The following SEPTIN2 variants were observed in gnomAD, a reference collection of about 807,000 sequenced individuals.
The protein encoded by SEPTIN2 is septin-2.
A neutral mutation model predicts 46.5 loss-of-function variants in SEPTIN2; 34 were observed. The observed-to-expected ratio is 0.73, with a 90% CI of 0.56 to 0.97. The LOEUF is 0.97. Among genes scored for constraint, SEPTIN2 ranks in the 50% least tolerant of loss-of-function variants. SEPTIN2 has a pLI of 0.00. For synonymous variants in SEPTIN2, 175 were observed against 153.4 expected (o/e 1.14, Z -1.04); for missense variants, 347 against 448.4 (o/e 0.77, Z 2.04).
chr2:241,334,582 G>A (rs2079590926), intron 3 of SEPTIN2, among the ~76,000 whole-genome samples: 1 of 152,186 alleles, frequency 6.6e-6, no homozygotes, highest in Admixed American at 6.5e-5. Flanking sequence ...ATTTAAAGCA[G>A]GAAGAAGACA....
At chr2:241,333,750 G>T (rs574389832) in intron 3 of SEPTIN2, among the ~76,000 whole-genome samples, 2 of 152,126 alleles carry the variant, frequency 1.3e-5, no homozygotes, top group African/African-American at 4.8e-5. Context: ...TGATCCGCCT[G>T]CCTCGGCCTC....
At chr2:241,324,107 T>C (rs2077551450) in intron 1 of SEPTIN2, 109 bp from the exon 2 acceptor site, 4 of 959,338 alleles carry the variant, frequency 4.2e-6, no homozygotes, top group East Asian at 2.4e-5. Context: ...ACATTGCCTA[T>C]GTATGTGTAA....
rs536285308 is a variant in SEPTIN2, at chr2:241,344,418, G to T, written c.842+521G>T. Among the ~76,000 whole-genome samples, 21 of 152,302 alleles carry T rather than the reference G, an allele frequency of 1.4e-4. No homozygotes were observed. The South Asian group carries it at 4.1e-3, about 30-fold the overall frequency. ...GTCTTCTTTAAAAATGAATTTCATG[G>T]CTGGGCGTGGTGGCTCACACCTGTA... On this transcript the variant is annotated intron_variant, in intron 9 of 12. Transcript: ENST00000391971.
At chr2:241,345,393 C>G (rs1014850858) in intron 9 of SEPTIN2, among the ~76,000 whole-genome samples, 3 of 152,124 alleles carry the variant, frequency 2.0e-5, no homozygotes, top group African/African-American at 7.2e-5. Context: ...CTATCCTGAT[C>G]CCCATTATTG....
At chr2:241,341,897 C>T (rs2081300090) in intron 7 of SEPTIN2, among the ~76,000 whole-genome samples, 1 of 152,192 alleles carries the variant, frequency 6.6e-6, no homozygotes, top group Non-Finnish European at 1.5e-5. Flanking sequence ...GAATGCCCAC[C>T]ATGCAATGAG....
intron 1 of SEPTIN2, 45 bp from the exon 2 acceptor site, chr2:241,324,171 T>A: frequency 6.4e-7 from 1 of 1,572,032 alleles, no homozygotes; most frequent in African/African-American, 1.4e-5. Context: ...ACATACATAC[T>A]ATGTATGTGC....
At chr2:241,322,758 T>C (rs1330622473) in intron 1 of SEPTIN2, among the ~76,000 whole-genome samples, 1 of 152,190 alleles carries the variant, frequency 6.6e-6, no homozygotes, top group Non-Finnish European at 1.5e-5. Context: ...AATCTAGTTC[T>C]CAGGTAGCTC....
intron 1 of SEPTIN2, chr2:241,316,384 C>A: frequency 1.1e-6 from 1 of 917,590 alleles, no homozygotes; most frequent in Non-Finnish European, 1.6e-6. Context: ...GCTTGTGTGG[C>A]CATCTTGTCT....
intron 7 of SEPTIN2, among the ~76,000 whole-genome samples, chr2:241,339,608 C>A (rs1428653859): frequency 6.6e-6 from 1 of 152,148 alleles, no homozygotes; most frequent in African/African-American, 2.4e-5. Flanking sequence ...TCTAACTTGT[C>A]CAGTTTCCTG....
At position 241,353,165 on chromosome 2, in the gene SEPTIN2, C is replaced by T; in HGVS notation, c.*1228C>T. On this transcript the variant is annotated 3_prime_UTR_variant, in exon 13 of 13. Transcript: ENST00000391971. ...CATTTATTTTTAGCCATTGTCGTTT[C>T]ATTCATTTTGTGTAATATAAACCGT... 6.6e-6 allele frequency: 1 copy of T among 152,314 alleles called. No homozygotes were observed. Among genetic ancestry groups the T allele is most frequent in the South Asian group, 2.1e-4 (1 of 4,826 alleles). 9.4% of individuals were successfully genotyped at this position (152,314 alleles called of 1,614,324 possible). A position where few individuals can be genotyped will look rare whatever the true frequency, so the allele number is the denominator to read the frequency against.
chr2:241,328,388 C>T (rs933235252), intron 3 of SEPTIN2, among the ~76,000 whole-genome samples: 5 of 151,640 alleles, frequency 3.3e-5, no homozygotes, highest in South Asian at 2.1e-4. Context: ...GCCAAGATTG[C>T]GCCACAGCAC....
In SEPTIN2 at chr2:241,350,182, T is replaced by A; in HGVS notation, c.*8T>A. 1 of 1,602,906 alleles carries A rather than the reference T, an allele frequency of 6.2e-7. No homozygotes were observed. The highest frequency in any genetic ancestry group is 2.2e-5 in the East Asian group (1 of 44,760). ...CTCGGGCACCACGTGTAAGGTGATG[T>A]GCACATATCAAGAAGTCAGAGGTAG... On this transcript the variant is annotated 3_prime_UTR_variant, in exon 12 of 13. Transcript: ENST00000391971.
chr2:241,351,165 C>G (rs1368433099), intron 12 of SEPTIN2, among the ~76,000 whole-genome samples: 1 of 152,014 alleles, frequency 6.6e-6, no homozygotes, highest in Non-Finnish European at 1.5e-5. Flanking sequence ...CAACGACATA[C>G]GGCAGGGTGG....
intron 3 of SEPTIN2, among the ~76,000 whole-genome samples, chr2:241,330,815 AT>A (rs1434650856): frequency 2.0e-5 from 3 of 152,224 alleles, no homozygotes; most frequent in African/African-American, 7.2e-5. Flanking sequence ...CAGTGTAGTT[AT>A]CAAGGAGGAA....
rs975331567 is a variant in SEPTIN2 at position 241,348,516 on chromosome 2, C to T, written c.984+325C>T. On this transcript the variant is annotated intron_variant, in intron 11 of 12. Transcript: ENST00000391971. ...AAAGTGCTGGGATTACAGGTGTGAG[C>T]CACCGTGCCCAGCCAAAAAGTACTA... Among the ~76,000 whole-genome samples the T allele has an allele frequency of 3.3e-5, 5 of 152,112 alleles. No individual in the cohort carries two copies. The East Asian group carries it at 9.6e-4, about 29-fold the overall frequency.
At chr2:241,344,390 ATAG>A (rs2081694387) in intron 9 of SEPTIN2, among the ~76,000 whole-genome samples, 3 of 152,180 alleles carry the variant, frequency 2.0e-5, no homozygotes, top group African/African-American at 7.2e-5. Context: ...GACTACAAAA[ATAG>A]TCTTCTTTAA....
intron 7 of SEPTIN2, among the ~76,000 whole-genome samples, chr2:241,342,626 C>T (rs1439762733): frequency 6.7e-6 from 1 of 150,016 alleles, no homozygotes; most frequent in African/African-American, 2.5e-5. Flanking sequence ...AGCTCCGCCT[C>T]CCGGGTTCAC....
chr2:241,322,605 CAAA>C (rs111928970), intron 1 of SEPTIN2, among the ~76,000 whole-genome samples: 1 of 100,676 alleles, frequency 9.9e-6, no homozygotes, highest in African/African-American at 3.8e-5. Flanking sequence ...GACTCCGTCT[CAAA>C]AAAAAAAAAA....
intron 3 of SEPTIN2, among the ~76,000 whole-genome samples, chr2:241,327,050 CAAAAAAAAAAAAA>C (rs59492636): frequency 9.1e-5 from 6 of 66,020 alleles, no homozygotes; most frequent in South Asian, 6.4e-4. Context: ...AACCTTGTCT[CAAAAAAAAAAAAA>C]AAAAAAAAAA....
Sources: allele counts gnomAD v4.1 joint callset (sites outside exome capture counted in the v4.1 genomes callset), GRCh38; gene constraint gnomAD v4.1.1; transcripts MANE v1.5; gene names NCBI Gene and HGNC (gene_info 2026-07-23, HGNC 2026-07-21).